Variants in SHROOM3 observed in about 807,000 individuals in gnomAD.
SHROOM3 encodes the protein protein Shroom3.
SHROOM3 carries 47 observed loss-of-function variants against 138.6 expected under a neutral mutation model. That is an observed-to-expected ratio of 0.34 (90% CI 0.27 to 0.43). SHROOM3 has a LOEUF of 0.43. Among genes scored for constraint, SHROOM3 ranks in the 20% least tolerant of loss-of-function variants. The pLI is 1.00. For synonymous variants in SHROOM3, 1,062 were observed against 1,063.3 expected (o/e 1.00, Z 0.02); for missense variants, 2,491 against 2,596.5 (o/e 0.96, Z 0.88).
intron 2 of SHROOM3, among the ~76,000 whole-genome samples, chr4:76,610,827 C>T (rs1290782398): frequency 1.3e-5 from 2 of 152,148 alleles, no homozygotes; most frequent in African/African-American, 2.4e-5. Flanking sequence ...TCAGGGATTT[C>T]GTGTGCAGGT....
At chr4:76,777,872 G>A (rs1461739571) in intron 10 of SHROOM3, among the ~76,000 whole-genome samples, 1 of 152,148 alleles carries the variant, frequency 6.6e-6, no homozygotes, top group Non-Finnish European at 1.5e-5. Context: ...GAAACTCTTA[G>A]AATATGACAT....
At chr4:76,753,780 A>AG (rs1721709775) in intron 6 of SHROOM3, among the ~76,000 whole-genome samples, 2 of 152,202 alleles carry the variant, frequency 1.3e-5, no homozygotes, top group African/African-American at 4.8e-5. Flanking sequence ...ATTTTTCATC[A>AG]GATGAAATGA....
chr4:76,653,434 T>C (rs1560581013), intron 2 of SHROOM3, among the ~76,000 whole-genome samples: 1 of 151,834 alleles, frequency 6.6e-6, no homozygotes. Context: ...CAGGATGTCC[T>C]CTGGGAGCAA....
At position 76,483,044 on chromosome 4, in the gene SHROOM3, A is replaced by G. The variant is rs182470490; in HGVS notation, c.168+46824A>G. Among the ~76,000 whole-genome samples, 85 of 152,344 alleles carry G rather than the reference A, an allele frequency of 5.6e-4. 1 individual carries two copies. Among genetic ancestry groups the G allele is most frequent in the African/African-American group, 1.9e-3 (81 of 41,592 alleles). ...AAATGTAAAACCTGAAAGTATAAAA[A>G]TCCTAAAAGAAAACCTAGGCAATAC... On this transcript the variant is annotated intron_variant, in intron 1 of 10. Coordinates refer to ENST00000296043, the MANE Select transcript of SHROOM3 (RefSeq NM_020859.4).
intron 1 of SHROOM3, among the ~76,000 whole-genome samples, chr4:76,541,544 C>T (rs1021972759): frequency 2.1e-4 from 32 of 151,762 alleles, no homozygotes; most frequent in Non-Finnish European, 4.0e-4. Flanking sequence ...CATACAATAA[C>T]GGCAGGGGCT....
intron 2 of SHROOM3, among the ~76,000 whole-genome samples, chr4:76,654,754 A>T (rs1401132659): frequency 6.6e-6 from 1 of 152,208 alleles, no homozygotes; most frequent in Non-Finnish European, 1.5e-5. Flanking sequence ...TGCCTCTCAC[A>T]GTTGGGGTGC....
intron 2 of SHROOM3, among the ~76,000 whole-genome samples, chr4:76,631,971 G>T (rs924054038): frequency 6.6e-6 from 1 of 152,130 alleles, no homozygotes; most frequent in Non-Finnish European, 1.5e-5. Context: ...GCAGATGATT[G>T]AATAAAAGGA....
At chr4:76,465,833 T>C (rs1346080300) in intron 1 of SHROOM3, among the ~76,000 whole-genome samples, 1 of 152,204 alleles carries the variant, frequency 6.6e-6, no homozygotes, top group Non-Finnish European at 1.5e-5. Flanking sequence ...ATTTCACTTG[T>C]TCCTAATAAC....
chr4:76,652,082 A>G (rs775578685), intron 2 of SHROOM3, among the ~76,000 whole-genome samples: 1 of 152,186 alleles, frequency 6.6e-6, no homozygotes, highest in Non-Finnish European at 1.5e-5. Context: ...TCTAGGATGA[A>G]TTAAGTGTTC....
chr4:76,655,907 T>G (rs1465525032), intron 2 of SHROOM3, among the ~76,000 whole-genome samples: 1 of 152,206 alleles, frequency 6.6e-6, no homozygotes, highest in East Asian at 1.9e-4. Context: ...AGTACCCAGT[T>G]ACATAGCTGC....
intron 1 of SHROOM3, among the ~76,000 whole-genome samples, chr4:76,462,609 T>C (rs951625305): frequency 6.6e-6 from 1 of 152,152 alleles, no homozygotes; most frequent in Non-Finnish European, 1.5e-5. Context: ...GTTCTCATGA[T>C]AGTGAGTGAG....
intron 1 of SHROOM3, among the ~76,000 whole-genome samples, chr4:76,440,999 G>A (rs932477185): frequency 2.0e-5 from 3 of 150,072 alleles, no homozygotes; most frequent in Admixed American, 1.3e-4. Context: ...TTCATCAACA[G>A]CTTTCCATTC....
chr4:76,492,017 G>A (rs2109993918), intron 1 of SHROOM3, among the ~76,000 whole-genome samples: 1 of 152,316 alleles, frequency 6.6e-6, no homozygotes, highest in Admixed American at 6.5e-5. Context: ...ACAAAAGTCT[G>A]TAAAGGCCGA....
Position 76,740,552 on chromosome 4 carries a change from A to G in SHROOM3, c.2379A>G (p.Gln793=). 6.2e-7 allele frequency: 1 copy of G among 1,614,124 alleles called. No homozygotes were observed. The highest frequency in any genetic ancestry group is 8.5e-7 in the Non-Finnish European group (1 of 1,180,006). ...EKVSKFEQRE[Q]GSQRPSVGGS... is the part of the protein sequence containing the mutation. ...TCTCCAAATTCGAGCAGCGAGAGCA[A>G]GGGAGCCAGAGACCGAGTGTGGGCG... is the stretch of plus-strand genomic sequence containing the variant. Residue 793 remains glutamine (Q), a synonymous_variant, in exon 5 of 11, where the codon CAA becomes CAG. Coordinates refer to ENST00000296043, the MANE Select transcript of SHROOM3 (RefSeq NM_020859.4). The surrounding 1 kb of genome is among the most constrained non-coding windows in gnomAD (Gnocchi z 4.0).
chr4:76,503,005 G>A (rs941621647), intron 1 of SHROOM3, among the ~76,000 whole-genome samples: 11 of 152,010 alleles, frequency 7.2e-5, no homozygotes, highest in Non-Finnish European at 4.4e-5. Flanking sequence ...CTATCTTCTT[G>A]TCTATCCTTG....
intron 2 of SHROOM3, among the ~76,000 whole-genome samples, chr4:76,561,762 C>A (rs776036624): frequency 4.0e-5 from 6 of 151,036 alleles, no homozygotes; most frequent in Admixed American, 3.3e-4. Context: ...GTAATCCCAG[C>A]ACTTTGGAAG....
At chr4:76,600,633 G>C (rs1416466174) in intron 2 of SHROOM3, among the ~76,000 whole-genome samples, 1 of 152,132 alleles carries the variant, frequency 6.6e-6, no homozygotes, top group Non-Finnish European at 1.5e-5. Flanking sequence ...AAGAGACCGG[G>C]TGACTGTAAC....
intron 10 of SHROOM3, among the ~76,000 whole-genome samples, chr4:76,772,706 G>C (rs561579525): frequency 6.6e-6 from 1 of 152,268 alleles, no homozygotes; most frequent in South Asian, 2.1e-4. Context: ...ACAGTAGCCT[G>C]TCAAATATGA....
At position 76,741,042 on chromosome 4, in the gene SHROOM3, T is replaced by C; in HGVS notation, c.2869T>C (p.Trp957Arg). 1 of 1,492,002 alleles carries C rather than the reference T, an allele frequency of 6.7e-7. No homozygotes were observed. Among genetic ancestry groups the C allele is most frequent in the Non-Finnish European group, 8.9e-7 (1 of 1,125,554 alleles). The allele number at this position is 1,492,002 out of a possible 1,614,324, so 92.4% of individuals were successfully genotyped here. Residue 957 changes from tryptophan to arginine, a missense_variant, in exon 5 of 11, where the codon TGG becomes CGG. Around this residue, in one of 4 missense-constraint regions of SHROOM3, gnomAD observed 1,733 missense variants for 1,661.6 expected, o/e 1.04. Transcript: ENST00000296043. The surrounding 1 kb of genome is among the most constrained non-coding windows in gnomAD (Gnocchi z 6.2). ...ELGAPVASRSWRPRPSSAHVG... is the reference protein window; with the variant it reads ...ELGAPVASRSRRPRPSSAHVG... ...GGGGGCGCCCGTGGCGTCGAGGTCC[T>C]GGCGGCCACGGCCTTCCTCGGCCCA...
Sources: gnomAD v4.1 joint callset for allele counts (sites outside exome capture counted in the v4.1 genomes callset) on GRCh38, gnomAD v4.1.1 for gene constraint, gnomAD v4.1.1 regional missense constraint, Gnocchi (gnomAD v3.1) non-coding constraint, MANE v1.5 for transcripts, NCBI Gene and HGNC (gene_info 2026-07-23, HGNC 2026-07-21) for gene names.